Variants in BAZ1A observed in about 807,000 individuals in gnomAD.
The protein encoded by BAZ1A is bromodomain adjacent to zinc finger domain 1A, also known as bromodomain adjacent to zinc finger domain protein 1A.
A neutral mutation model predicts 185.2 loss-of-function variants in BAZ1A; 50 were observed. That is an observed-to-expected ratio of 0.27 (90% CI 0.22 to 0.34). BAZ1A has a LOEUF of 0.34. BAZ1A is among the 10% of genes least tolerant of loss of function. The probability of loss-of-function intolerance (pLI) is 1.00; values close to 1 mark genes in which losing one functional copy is unlikely to be tolerated. For missense variants in BAZ1A, 1,356 were observed against 1,839.9 expected, an observed-to-expected ratio of 0.74 and a Z score of 4.81; for synonymous variants, 571 against 615.6, an observed-to-expected ratio of 0.93 and a Z score of 1.07.
At position 34,783,937 on chromosome 14, in the gene BAZ1A, AT is replaced by A. The variant is rs753334485; in HGVS notation, c.1832-11del. 1.7e-5 allele frequency: 27 copies of A among 1,580,670 alleles called. No individual in the cohort carries two copies. The highest frequency in any genetic ancestry group is 2.2e-5 in the Non-Finnish European group (26 of 1,168,166). On this transcript the variant is annotated splice_polypyrimidine_tract_variant and intron_variant, in intron 14 of 26. Coordinates refer to ENST00000360310, the MANE Select transcript of BAZ1A (RefSeq NM_013448.3). Reference sequence around the variant, plus strand: ...ATCTTCATTTTTTCTCCTGTCAAAAATTGGTAAATACTTCTGTATTATAAAT... The same window carrying A: ...ATCTTCATTTTTTCTCCTGTCAAAAATGGTAAATACTTCTGTATTATAAAT...
intron 5 of BAZ1A, among the ~76,000 whole-genome samples, chr14:34,808,446 C>T (rs1319253463): frequency 2.0e-5 from 3 of 151,904 alleles, no homozygotes; most frequent in Non-Finnish European, 2.9e-5. Flanking sequence ...TGCAGTGAGC[C>T]GAGATCGTGC....
intron 12 of BAZ1A, among the ~76,000 whole-genome samples, chr14:34,791,110 G>A (rs1356251727): frequency 2.0e-5 from 3 of 150,952 alleles, no homozygotes; most frequent in Non-Finnish European, 4.4e-5. Context: ...CAACAAGAGC[G>A]AAACTCTGTC....
chr14:34,864,637 C>T (rs1337180193), intron 2 of BAZ1A, among the ~76,000 whole-genome samples: 3 of 150,848 alleles, frequency 2.0e-5, no homozygotes, highest in African/African-American at 2.4e-5. Context: ...CGCGCCACCA[C>T]ACCCAGCTAA....
intron 25 of BAZ1A, among the ~76,000 whole-genome samples, chr14:34,756,466 A>ATTTTTTTT (rs1158606061): frequency 1.3e-5 from 1 of 79,024 alleles, no homozygotes. Context: ...CAGAATACCT[A>ATTTTTTTT]TTTTTTTTTT....
At chr14:34,805,249 G>C (rs946634273) in intron 6 of BAZ1A, among the ~76,000 whole-genome samples, 2 of 152,206 alleles carry the variant, frequency 1.3e-5, no homozygotes, top group African/African-American at 2.4e-5. Flanking sequence ...CTTTATAGCA[G>C]TGTGAGAATG....
intron 1 of BAZ1A, 31 bp downstream of exon 1, chr14:34,875,107 C>A (rs1432155769): frequency 1.1e-5 from 4 of 363,508 alleles, no homozygotes; most frequent in Non-Finnish European, 2.2e-5. Context: ...ACTTCCCCGC[C>A]GGCGCCGGCC....
intron 23 of BAZ1A, 85 bp downstream of exon 23, chr14:34,764,622 C>T: frequency 3.3e-6 from 5 of 1,510,060 alleles, no homozygotes; most frequent in Non-Finnish European, 4.4e-6. Context: ...AGTTACAGAC[C>T]CTAACTATTC....
intron 25 of BAZ1A, among the ~76,000 whole-genome samples, chr14:34,755,743 T>TATATAA (rs1309931363): frequency 6.6e-6 from 1 of 151,928 alleles, no homozygotes. Flanking sequence ...TATATATATA[T>TATATAA]AACCTAACTA....
chr14:34,851,233 T>A (rs573905143), intron 3 of BAZ1A, among the ~76,000 whole-genome samples: 2 of 148,414 alleles, frequency 1.3e-5, no homozygotes, highest in East Asian at 4.0e-4. Flanking sequence ...CTTAGGAGGC[T>A]GAGGCACAAT....
At position 34,758,814 on chromosome 14, in the gene BAZ1A, A is replaced by C. The variant is rs1225348329; in HGVS notation, c.4276T>G (p.Ser1426Ala). 3.1e-6 allele frequency: 5 copies of C among 1,614,222 alleles called. No homozygotes were observed. Among genetic ancestry groups the C allele is most frequent in the Non-Finnish European group, 4.2e-6 (5 of 1,180,036 alleles). The change falls in exon 25 of 27, where the codon TCT becomes GCT. Residue 1426 changes from serine (S) to alanine (A), a missense_variant. This residue lies in a region of BAZ1A where 309 missense variants were observed against 355.3 expected (regional missense o/e 0.87). Transcript: ENST00000360310. ...PSPVTLGRRSSGRQGGVHELS... is the reference protein window; with the variant it reads ...PSPVTLGRRSAGRQGGVHELS... The stretch of plus-strand genomic sequence containing the variant: ...TCATGAACTCCTCCCTGTCGGCCAG[A>C]ACTCCTTCGACCCAGTGTCACAGGC...
chr14:34,809,641 AT>A (rs2041901603), intron 5 of BAZ1A, among the ~76,000 whole-genome samples: 1 of 152,206 alleles, frequency 6.6e-6, no homozygotes, highest in Non-Finnish European at 1.5e-5. Context: ...ATTATGAAGT[AT>A]AACTTTCTCA....
intron 23 of BAZ1A, among the ~76,000 whole-genome samples, chr14:34,762,945 G>C (rs574722569): frequency 6.6e-6 from 1 of 152,142 alleles, no homozygotes; most frequent in African/African-American, 2.4e-5. Context: ...TGCTACAGGA[G>C]ACTACCACTT....
intron 12 of BAZ1A, among the ~76,000 whole-genome samples, chr14:34,792,286 G>A (rs1307703505): frequency 6.6e-6 from 1 of 152,062 alleles, no homozygotes; most frequent in Non-Finnish European, 1.5e-5. Flanking sequence ...TCAGGAGGCT[G>A]AGGCAGGAGA....
intron 24 of BAZ1A, among the ~76,000 whole-genome samples, chr14:34,760,296 A>G (rs769039047): frequency 5.9e-5 from 9 of 152,210 alleles, no homozygotes; most frequent in Non-Finnish European, 1.3e-4. Context: ...AAAGCAAAAC[A>G]GATAAGTGGA....
At chr14:34,799,028 T>C (rs1216763739) in intron 9 of BAZ1A, among the ~76,000 whole-genome samples, 1 of 151,898 alleles carries the variant, frequency 6.6e-6, no homozygotes, top group African/African-American at 2.4e-5. Context: ...ATGTGGTGCA[T>C]ATACACCATG....
chr14:34,782,901 T>G (rs1383308826), intron 16 of BAZ1A, among the ~76,000 whole-genome samples: 3 of 152,166 alleles, frequency 2.0e-5, no homozygotes, highest in Non-Finnish European at 4.4e-5. Context: ...ACAGAATAAC[T>G]CTGTGAAATA....
chr14:34,804,621 C>A (rs4982214), intron 6 of BAZ1A, among the ~76,000 whole-genome samples: 86,704 of 151,984 alleles, frequency 0.57, 25,073 homozygotes, highest in South Asian at 0.67. Context: ...TTAAAATAAT[C>A]ATATTCCATC....
At chr14:34,841,002 G>A (rs940557637) in intron 3 of BAZ1A, among the ~76,000 whole-genome samples, 1 of 151,734 alleles carries the variant, frequency 6.6e-6, no homozygotes, top group Non-Finnish European at 1.5e-5. Flanking sequence ...AGGACAGAAT[G>A]CAATGGCGCA....
chr14:34,862,435 T>C (rs1304236727), intron 2 of BAZ1A, 113 bp from the exon 3 acceptor site: 16 of 1,183,372 alleles, frequency 1.4e-5, no homozygotes, highest in Non-Finnish European at 1.7e-5. Context: ...TGCAAAATTT[T>C]ATGTAGACTC....
Sources: gnomAD v4.1 joint callset for allele counts (sites outside exome capture counted in the v4.1 genomes callset) on GRCh38, gnomAD v4.1.1 for gene constraint, gnomAD v4.1.1 regional missense constraint, MANE v1.5 for transcripts, NCBI Gene and HGNC (gene_info 2026-07-23, HGNC 2026-07-21) for gene names.